RGS22: variants seen among roughly 807,000 people sequenced by gnomAD.
RGS22 encodes the protein regulator of G-protein signaling 22.
RGS22 carries 148 observed loss-of-function variants against 172.9 expected under a neutral mutation model. The ratio of observed to expected loss-of-function variants is 0.86; its 90% CI spans 0.75 to 0.98. RGS22 has a LOEUF of 0.98. RGS22 is among the 50% of genes least tolerant of loss of function. The pLI, the probability that RGS22 is intolerant of heterozygous loss-of-function variation, is 0.00. For missense variants in RGS22, 1,347 were observed against 1,440.8 expected (o/e 0.93, Z 1.05); for synonymous variants, 458 against 480.2 (o/e 0.95, Z 0.60).
rs1810295205 is a variant in RGS22, at chr8:99,962,369, A to T, written c.*45+25T>A. 2.6e-6 allele frequency: 4 copies of T among 1,526,110 alleles called. No individual in the cohort carries two copies. In the South Asian group the frequency reaches 4.5e-5, roughly 17 times the overall value. 94.5% of individuals were successfully genotyped at this position (1,526,110 alleles called of 1,614,324 possible). On this transcript the variant is annotated intron_variant, in intron 27 of 27. Coordinates refer to ENST00000360863, the MANE Select transcript of RGS22 (RefSeq NM_015668.5). ...GTATTACGAGGACATGTGTGGGACC[A>T]ACCAACATTCAGACTATGACGTACC...
intron 23 of RGS22, among the ~76,000 whole-genome samples, chr8:99,966,410 A>G (rs886367516): frequency 6.6e-6 from 1 of 152,152 alleles, no homozygotes; most frequent in Non-Finnish European, 1.5e-5. Context: ...CTGCACTTGT[A>G]CTCCTAAATC....
chr8:100,002,795 C>T (rs1815240309), intron 17 of RGS22: 1 of 159,480 alleles, frequency 6.3e-6, no homozygotes, highest in African/African-American at 2.4e-5. Flanking sequence ...ATGGCTGATA[C>T]CTGTAATCCC....
intron 14 of RGS22, among the ~76,000 whole-genome samples, chr8:100,037,471 C>T (rs1819628531): frequency 6.6e-6 from 1 of 152,048 alleles, no homozygotes; most frequent in Non-Finnish European, 1.5e-5. Flanking sequence ...CAAAAGAGAA[C>T]CTAGGAGAAG....
chr8:100,004,894 C>T (rs946078532), intron 16 of RGS22, among the ~76,000 whole-genome samples: 4 of 151,638 alleles, frequency 2.6e-5, no homozygotes, highest in Non-Finnish European at 2.9e-5. Context: ...GTTTTGTGAA[C>T]AGTTTACAAG....
At chr8:99,974,958 C>T (rs1397915565) in intron 23 of RGS22, among the ~76,000 whole-genome samples, 1 of 151,906 alleles carries the variant, frequency 6.6e-6, no homozygotes, top group East Asian at 1.9e-4. Flanking sequence ...GATACCTGGC[C>T]AACATGGTGA....
chr8:100,005,323 A>T (rs1815574354), intron 16 of RGS22, among the ~76,000 whole-genome samples: 1 of 152,190 alleles, frequency 6.6e-6, no homozygotes, highest in Non-Finnish European at 1.5e-5. Context: ...TTATGGATAC[A>T]TGCAGAAATA....
intron 22 of RGS22, among the ~76,000 whole-genome samples, chr8:99,978,478 T>G (rs971322813): frequency 6.6e-6 from 1 of 152,144 alleles, no homozygotes; most frequent in African/African-American, 2.4e-5. Context: ...TCAAGGAAAC[T>G]CCCTCCTCCC....
intron 9 of RGS22, among the ~76,000 whole-genome samples, chr8:100,056,901 C>T (rs764554161): frequency 2.0e-5 from 3 of 152,192 alleles, no homozygotes; most frequent in Non-Finnish European, 4.4e-5. Context: ...GGGCCACCAT[C>T]CTCCAGACCC....
chr8:100,099,992 C>G (rs1813336277), intron 2 of RGS22, among the ~76,000 whole-genome samples: 1 of 152,098 alleles, frequency 6.6e-6, no homozygotes, highest in South Asian at 2.1e-4. Context: ...AAAAAACCAC[C>G]AAGTGGTCAT....
At chr8:99,975,542 C>T (rs1358867474) in intron 23 of RGS22, among the ~76,000 whole-genome samples, 2 of 151,658 alleles carry the variant, frequency 1.3e-5, no homozygotes, top group Non-Finnish European at 2.9e-5. Flanking sequence ...ATAGGATGAA[C>T]TTGTCCTTGA....
At chr8:99,999,149 C>G in intron 19 of RGS22, 113 bp downstream of exon 19, 1 of 873,106 alleles carries the variant, frequency 1.1e-6, no homozygotes, top group Non-Finnish European at 1.7e-6. Context: ...ACAGAGAGAG[C>G]CCATTCCTTA....
In RGS22 at chr8:99,977,958, T is replaced by C; in HGVS notation, c.3478A>G (p.Lys1160Glu). 6.4e-7 allele frequency: 1 copy of C among 1,564,816 alleles called. No individual in the cohort carries two copies. The highest frequency in any genetic ancestry group is 8.6e-7 in the Non-Finnish European group (1 of 1,164,398). The change falls in exon 23 of 28, where the codon AAA becomes GAA. Residue 1160 changes from lysine to glutamate, a missense_variant. Physicochemically the swap from Lys to Glu is moderately conservative, Grantham distance 56. Coordinates refer to ENST00000360863, the MANE Select transcript of RGS22 (RefSeq NM_015668.5). ...TCTTCTAGGACTGCCAATTTTTTTT[T>C]CTGCTTATTATATTCTTGTCTTCTC... ...LERRQEYNKQKKKLAVLEDEK... is the reference protein window; with the variant it reads ...LERRQEYNKQEKKLAVLEDEK...
intron 4 of RGS22, among the ~76,000 whole-genome samples, chr8:100,075,454 C>T (rs1359350599): frequency 6.6e-6 from 1 of 152,206 alleles, no homozygotes; most frequent in African/African-American, 2.4e-5. Context: ...ATGCTAGTGC[C>T]ATGCTTCTTA....
At chr8:99,974,694 A>G (rs911909725) in intron 23 of RGS22, among the ~76,000 whole-genome samples, 5 of 151,570 alleles carry the variant, frequency 3.3e-5, no homozygotes, top group Admixed American at 2.6e-4. Flanking sequence ...GCTACTTGGG[A>G]GTCTGAGGCA....
intron 6 of RGS22, 35 bp from the exon 7 acceptor site, chr8:100,066,331 A>AT: frequency 6.4e-7 from 1 of 1,572,724 alleles, no homozygotes; most frequent in Non-Finnish European, 8.7e-7. Context: ...TTAACATATG[A>AT]TTAGCAGTAT....
Position 100,052,796 on chromosome 8 carries a change from C to T in RGS22, c.1689+6G>A. 1 of 1,611,620 alleles carries T rather than the reference C, an allele frequency of 6.2e-7. No homozygotes were observed. Among genetic ancestry groups the T allele is most frequent in the Non-Finnish European group, 8.5e-7 (1 of 1,177,930 alleles). ...GTAGAGATCACAGCATGAATGTACACCCTACCTGGATCTCAGGTATCTGTG... is the reference window on the plus strand; with the variant it reads ...GTAGAGATCACAGCATGAATGTACATCCTACCTGGATCTCAGGTATCTGTG... On this transcript the variant is annotated splice_donor_region_variant and intron_variant, in intron 10 of 27. Transcript: ENST00000360863.
At chr8:99,998,169 A>G (rs979162897) in intron 19 of RGS22, among the ~76,000 whole-genome samples, 1 of 152,188 alleles carries the variant, frequency 6.6e-6, no homozygotes, top group African/African-American at 2.4e-5. Context: ...TCCTTGTATA[A>G]CCTTGTCCAC....
intron 23 of RGS22, among the ~76,000 whole-genome samples, chr8:99,970,092 A>C (rs532899514): frequency 6.6e-6 from 1 of 152,348 alleles, no homozygotes; most frequent in East Asian, 1.9e-4. Flanking sequence ...TTGAAACTGC[A>C]CAACTATATG....
At chr8:100,039,606 C>T (rs1056121686) in intron 13 of RGS22, among the ~76,000 whole-genome samples, 14 of 152,014 alleles carry the variant, frequency 9.2e-5, no homozygotes, top group Admixed American at 3.9e-4. Context: ...GAACTCTTGA[C>T]CTCAAATGAT....
Sources: allele counts gnomAD v4.1 joint callset (sites outside exome capture counted in the v4.1 genomes callset), GRCh38; gene constraint gnomAD v4.1.1; transcripts MANE v1.5; gene names NCBI Gene and HGNC (gene_info 2026-07-23, HGNC 2026-07-21).